PID1: variants seen among roughly 807,000 people sequenced by gnomAD.
The protein encoded by PID1 is phosphotyrosine interaction domain containing 1.
Under a neutral mutation model 19.1 loss-of-function variants are expected in PID1, and 10 were observed. That is an observed-to-expected ratio of 0.52 (90% confidence interval 0.32 to 0.89). The LOEUF (loss-of-function observed/expected upper bound fraction) is 0.89. PID1 is among the 40% of genes least tolerant of loss of function. PID1 has a pLI of 0.03. For synonymous variants in PID1, 130 were observed against 116.0 expected (o/e 1.12, Z -0.78); for missense variants, 248 against 285.3 (o/e 0.87, Z 0.94).
chr2:229,125,967 T>C (rs1190790153), intron 2 of PID1, among the ~76,000 whole-genome samples: 1 of 152,166 alleles, frequency 6.6e-6, no homozygotes, highest in Non-Finnish European at 1.5e-5. Flanking sequence ...ATTCCTCAGG[T>C]GCTACTTAGA....
At chr2:229,132,322 T>G (rs1156764982) in intron 2 of PID1, among the ~76,000 whole-genome samples, 2 of 152,170 alleles carry the variant, frequency 1.3e-5, no homozygotes, top group African/African-American at 4.8e-5. Flanking sequence ...TCCTTTGTAC[T>G]TACAGGATGG....
At chr2:229,122,109 T>C (rs751364698) in intron 2 of PID1, among the ~76,000 whole-genome samples, 5 of 152,198 alleles carry the variant, frequency 3.3e-5, no homozygotes, top group Non-Finnish European at 7.3e-5. Context: ...GAATTAGTAA[T>C]AGCTTTTCTT....
chr2:229,079,518 C>T (rs1351573080), intron 2 of PID1, among the ~76,000 whole-genome samples: 4 of 152,158 alleles, frequency 2.6e-5, no homozygotes, highest in Admixed American at 6.5e-5. Context: ...TCTCTAGTTC[C>T]ATTTTGGTTT....
chr2:229,045,694 G>A (rs1693861041), intron 2 of PID1, among the ~76,000 whole-genome samples: 7 of 152,240 alleles, frequency 4.6e-5, no homozygotes. Context: ...AATTGATGAG[G>A]AAACCTTTCT....
In PID1 at chr2:229,075,600, C is replaced by A. The variant is rs545130588; in HGVS notation, c.178-49492G>T. 2.7e-4 allele frequency among the ~76,000 whole-genome samples: 41 copies of A among 152,286 alleles called. No homozygotes were observed. The South Asian group carries it at 7.9e-3, about 29-fold the overall frequency. On this transcript the variant is annotated intron_variant, in intron 2 of 2. Transcript: ENST00000392055. Reference sequence around the variant, plus strand: ...CAATCAAGATGGCCACATGACTATGCAAATGTACAAATGAGGGGGACTAAA... The same window carrying A: ...CAATCAAGATGGCCACATGACTATGAAAATGTACAAATGAGGGGGACTAAA...
At chr2:229,262,602 T>C (rs1435726248) in intron 1 of PID1, 2 of 1,495,030 alleles carry the variant, frequency 1.3e-6, no homozygotes, top group Non-Finnish European at 1.8e-6. Flanking sequence ...ATGGTTTCAC[T>C]GGTGTAGTAG....
At position 229,024,228 on chromosome 2, in the gene PID1, A is replaced by G. The variant is rs1693361523; in HGVS notation, c.*1404T>C. ...AAATGCTGACACCATCGCTCTCTAG[A>G]TTGGATTAGCTCTCATTTAAGGCTT... On this transcript the variant is annotated 3_prime_UTR_variant, in exon 3 of 3. Transcript: ENST00000392055. 2.0e-5 allele frequency: 3 copies of G among 152,590 alleles called. No homozygotes were observed. Among genetic ancestry groups the G allele is most frequent in the African/African-American group, 7.2e-5 (3 of 41,442 alleles). The allele number at this position is 152,590 out of a possible 1,614,324, so 9.5% of individuals were successfully genotyped here.
At chr2:229,113,827 C>A (rs550437073) in intron 2 of PID1, among the ~76,000 whole-genome samples, 10 of 152,060 alleles carry the variant, frequency 6.6e-5, no homozygotes, top group Non-Finnish European at 1.5e-4. Flanking sequence ...CCTGGCCAAG[C>A]CACCATACCC....
Position 229,248,830 on chromosome 2 carries a change from A to G in PID1, c.30+22184T>C, listed in dbSNP as rs535662753. ...TTTTGAGGTGTACTAAATTTGTCCAATGAAAGCCAAGGGGCCTTCTGTGTC... is the reference window on the plus strand; with the variant it reads ...TTTTGAGGTGTACTAAATTTGTCCAGTGAAAGCCAAGGGGCCTTCTGTGTC... On this transcript the variant is annotated intron_variant, in intron 1 of 2. Coordinates refer to ENST00000392055, the MANE Select transcript of PID1 (RefSeq NM_001100818.2). 4.2e-4 allele frequency among the ~76,000 whole-genome samples: 64 copies of G among 152,296 alleles called. No homozygotes were observed. In the East Asian group the frequency reaches 5.8e-3, roughly 14 times the overall value.
chr2:229,230,639 G>A (rs184499156), intron 1 of PID1, among the ~76,000 whole-genome samples: 3 of 152,292 alleles, frequency 2.0e-5, no homozygotes, highest in Non-Finnish European at 4.4e-5. Context: ...ATTTACTGCC[G>A]CCTTTGGGTC....
chr2:229,267,504 T>C (rs904580986), intron 1 of PID1, among the ~76,000 whole-genome samples: 1 of 152,256 alleles, frequency 6.6e-6, no homozygotes, highest in African/African-American at 2.4e-5. Context: ...CTAGAACTCA[T>C]ACGCCTATCA....
chr2:229,099,405 G>A (rs1695033312), intron 2 of PID1, among the ~76,000 whole-genome samples: 1 of 152,098 alleles, frequency 6.6e-6, no homozygotes, highest in Admixed American at 6.5e-5. Flanking sequence ...ACCATTTTGA[G>A]GCAGGAAACT....
intron 1 of PID1, among the ~76,000 whole-genome samples, chr2:229,235,720 T>C (rs1692310117): frequency 6.6e-6 from 1 of 152,164 alleles, no homozygotes; most frequent in Non-Finnish European, 1.5e-5. Context: ...TATTAGTTAC[T>C]TCAAATGGAT....
At chr2:229,065,547 GCA>G (rs1694305958) in intron 2 of PID1, among the ~76,000 whole-genome samples, 1 of 151,732 alleles carries the variant, frequency 6.6e-6, no homozygotes, top group African/African-American at 2.4e-5. Context: ...AAATACACAT[GCA>G]CACACACAAA....
intron 2 of PID1, among the ~76,000 whole-genome samples, chr2:229,030,526 A>G (rs1693523767): frequency 1.3e-5 from 2 of 152,190 alleles, no homozygotes; most frequent in Non-Finnish European, 2.9e-5. Flanking sequence ...ATTCACTGAA[A>G]CTAGAAATAA....
chr2:229,241,701 T>C (rs1174967923), intron 1 of PID1, among the ~76,000 whole-genome samples: 1 of 152,120 alleles, frequency 6.6e-6, no homozygotes, highest in African/African-American at 2.4e-5. Flanking sequence ...AGAAAAGTTA[T>C]AATAATCAAC....
intron 1 of PID1, among the ~76,000 whole-genome samples, chr2:229,243,491 GTCC>G (rs1438574686): frequency 6.6e-6 from 1 of 151,980 alleles, no homozygotes; most frequent in African/African-American, 2.4e-5. Context: ...GGTCTATTGC[GTCC>G]TCAAGACTGC....
At chr2:229,087,466 A>T (rs961425471) in intron 2 of PID1, among the ~76,000 whole-genome samples, 3 of 152,178 alleles carry the variant, frequency 2.0e-5, no homozygotes, top group Non-Finnish European at 4.4e-5. Context: ...AGGGGATCAA[A>T]TGTCTCCTGC....
At chr2:229,239,891 T>C (rs1014456267) in intron 1 of PID1, among the ~76,000 whole-genome samples, 3 of 152,136 alleles carry the variant, frequency 2.0e-5, no homozygotes, top group Non-Finnish European at 4.4e-5. Context: ...AAGATAATGA[T>C]TTTATTGTAA....
Sources: gnomAD v4.1 joint callset for allele counts (sites outside exome capture counted in the v4.1 genomes callset) on GRCh38, gnomAD v4.1.1 for gene constraint, MANE v1.5 for transcripts, NCBI Gene and HGNC (gene_info 2026-07-23, HGNC 2026-07-21) for gene names.